The following LIMCH1 variants were observed in gnomAD, a reference collection of about 807,000 sequenced individuals.
The protein encoded by LIMCH1 is LIM and calponin homology domains 1.
LIMCH1 carries 113 observed loss-of-function variants against 176.5 expected under a neutral mutation model. The ratio of observed to expected loss-of-function variants is 0.64; its 90% CI spans 0.55 to 0.75. The LOEUF is 0.75. LIMCH1 is among the 30% of genes least tolerant of loss of function. The probability of loss-of-function intolerance (pLI) is 0.00; values close to 1 mark genes in which losing one functional copy is unlikely to be tolerated. For missense variants in LIMCH1, 1,674 were observed against 1,814.9 expected (o/e 0.92, Z 1.41); for synonymous variants, 619 against 645.9 (o/e 0.96, Z 0.63).
At chr4:41,667,157 T>C (rs1162332785) in intron 21 of LIMCH1, among the ~76,000 whole-genome samples, 1 of 152,160 alleles carries the variant, frequency 6.6e-6, no homozygotes, top group African/African-American at 2.4e-5. Context: ...CATAAAATCA[T>C]AAATTAATGT....
At chr4:41,670,667 C>A in intron 21 of LIMCH1, 1 of 1,362,774 alleles carries the variant, frequency 7.3e-7, no homozygotes, top group Non-Finnish European at 1.0e-6. Context: ...ATTCAGTTCT[C>A]ACCCCAGTTT....
At chr4:41,571,289 T>G (rs1436434754) in intron 1 of LIMCH1, among the ~76,000 whole-genome samples, 1 of 152,002 alleles carries the variant, frequency 6.6e-6, no homozygotes, top group Non-Finnish European at 1.5e-5. Context: ...AAAATAAGTG[T>G]GAAGTCTTGG....
At chr4:41,403,397 A>G (rs952405279) in intron 1 of LIMCH1, among the ~76,000 whole-genome samples, 1 of 152,082 alleles carries the variant, frequency 6.6e-6, no homozygotes, top group Non-Finnish European at 1.5e-5. Context: ...CCTGGTCAAC[A>G]TGATGAAACC....
intron 1 of LIMCH1, among the ~76,000 whole-genome samples, chr4:41,546,228 T>C (rs2079372183): frequency 6.6e-6 from 1 of 152,042 alleles, no homozygotes; most frequent in East Asian, 1.9e-4. Flanking sequence ...AACCTCCACC[T>C]CCCTGGTTCA....
chr4:41,586,587 G>A (rs761389424), intron 1 of LIMCH1, among the ~76,000 whole-genome samples: 8 of 152,104 alleles, frequency 5.3e-5, no homozygotes, highest in Non-Finnish European at 1.0e-4. Context: ...ATAAGTGAAG[G>A]TATTTTTCAT....
chr4:41,609,275 AT>A (rs1280122409), intron 4 of LIMCH1, among the ~76,000 whole-genome samples: 1 of 150,864 alleles, frequency 6.6e-6, no homozygotes, highest in Non-Finnish European at 1.5e-5. Context: ...TTATCATCCA[AT>A]TTTGTATTCA....
intron 31 of LIMCH1, among the ~76,000 whole-genome samples, chr4:41,694,481 A>C (rs898789644): frequency 5.3e-5 from 8 of 152,196 alleles, no homozygotes; most frequent in African/African-American, 1.7e-4. Flanking sequence ...GGTGATGATC[A>C]TATAGTCATG....
At chr4:41,513,363 A>G (rs1435407497) in intron 2 of LIMCH1, among the ~76,000 whole-genome samples, 1 of 152,210 alleles carries the variant, frequency 6.6e-6, no homozygotes, top group Non-Finnish European at 1.5e-5. Context: ...AGTCCTCTGA[A>G]TAAAGCTGCA....
intron 18 of LIMCH1, among the ~76,000 whole-genome samples, chr4:41,660,989 T>C (rs2094597930): frequency 6.6e-6 from 1 of 152,050 alleles, no homozygotes; most frequent in African/African-American, 2.4e-5. Context: ...CAGGCTAAAA[T>C]CCACAATGGT....
In LIMCH1 at chr4:41,697,485, G is replaced by C. The variant is rs1243807485; in HGVS notation, c.*300G>C. On this transcript the variant is annotated 3_prime_UTR_variant, in exon 32 of 32. Coordinates refer to ENST00000503057, the MANE Select transcript of LIMCH1 (RefSeq NM_001330672.2). The stretch of plus-strand genomic sequence containing the variant: ...GTCAAACAGGCTTATGGTTTAAAAT[G>C]TGTTATTCTCTTCTTTGGGAATTAG... The C allele has an allele frequency of 5.6e-6, 2 of 357,632 alleles. No homozygotes were observed. The highest frequency in any genetic ancestry group is 1.1e-4 in the South Asian group (1 of 9,322). The allele number at this position is 357,632 out of a possible 1,614,324, so 22.2% of individuals were successfully genotyped here. A position where few individuals can be genotyped will look rare whatever the true frequency, so the allele number is the denominator to read the frequency against.
At chr4:41,518,732 C>T (rs1168998056) in intron 2 of LIMCH1, among the ~76,000 whole-genome samples, 1 of 152,114 alleles carries the variant, frequency 6.6e-6, no homozygotes, top group Non-Finnish European at 1.5e-5. Flanking sequence ...TCTGCCTCTT[C>T]TTGCCCCCCA....
At chr4:41,619,041 AATCTACACTTTAG>A in intron 5 of LIMCH1, 134 bp from the exon 6 acceptor site, 5 of 1,026,580 alleles carry the variant, frequency 4.9e-6, no homozygotes, top group Non-Finnish European at 7.2e-6. Flanking sequence ...ATGTGTAACA[AATCTACACTTTAG>A]ATTTGTTAAG....
chr4:41,419,956 A>T (rs893690583), intron 1 of LIMCH1, among the ~76,000 whole-genome samples: 49 of 152,140 alleles, frequency 3.2e-4, no homozygotes, highest in African/African-American at 1.1e-3. Context: ...GCAGATAAAC[A>T]GATAATACAT....
intron 1 of LIMCH1, among the ~76,000 whole-genome samples, chr4:41,398,982 A>T (rs1225330367): frequency 1.3e-5 from 2 of 152,196 alleles, no homozygotes; most frequent in Non-Finnish European, 2.9e-5. Flanking sequence ...GTCCAGAAAC[A>T]TAAAAGGAGA....
chr4:41,674,436 A>G (rs1219325856), intron 22 of LIMCH1, among the ~76,000 whole-genome samples: 1 of 152,218 alleles, frequency 6.6e-6, no homozygotes, highest in Non-Finnish European at 1.5e-5. Flanking sequence ...TGGAACAATG[A>G]CAGGTGGAGC....
At chr4:41,454,136 G>A (rs4588492) in intron 1 of LIMCH1, among the ~76,000 whole-genome samples, 4,902 of 151,908 alleles carry the variant, frequency 0.032, 247 homozygotes, top group African/African-American at 0.11. Context: ...ATTCTCTCCC[G>A]TAAGTGCCTT....
chr4:41,646,287 T>C lies in LIMCH1; in HGVS notation c.2411+7T>C, dbSNP rs1179068415. On this transcript the variant is annotated splice_region_variant and intron_variant, in intron 16 of 31. Coordinates refer to ENST00000503057, the MANE Select transcript of LIMCH1 (RefSeq NM_001330672.2). ...GAGAAATTGTTCAAGAAAAGTGAGT[T>C]CTTTCTGTTGTCGTTTTTAATGTAC... The C allele has an allele frequency of 1.9e-6, 3 of 1,599,328 alleles. No individual in the cohort carries two copies. Among genetic ancestry groups the C allele is most frequent in the Non-Finnish European group, 1.7e-6 (2 of 1,176,240 alleles).
chr4:41,398,560 G>T (rs1056577326), intron 1 of LIMCH1, among the ~76,000 whole-genome samples: 13 of 152,080 alleles, frequency 8.5e-5, no homozygotes, highest in African/African-American at 3.1e-4. Context: ...AAAAAGGTTG[G>T]CCAAGACCCT....
At chr4:41,438,618 C>T (rs529592770) in intron 1 of LIMCH1, among the ~76,000 whole-genome samples, 16 of 152,168 alleles carry the variant, frequency 1.1e-4, no homozygotes, top group Admixed American at 3.3e-4. Context: ...GGATTACCAG[C>T]GTGAGCCACT....
Sources: allele counts gnomAD v4.1 joint callset (sites outside exome capture counted in the v4.1 genomes callset), GRCh38; gene constraint gnomAD v4.1.1; transcripts MANE v1.5; gene names NCBI Gene and HGNC (gene_info 2026-07-23, HGNC 2026-07-21).